Variants in KTN1 observed in about 807,000 individuals in gnomAD.
The protein encoded by KTN1 is kinectin.
Under a neutral mutation model 222.5 loss-of-function variants are expected in KTN1, and 130 were observed. The observed-to-expected ratio is 0.58, with a 90% CI of 0.51 to 0.68. KTN1 has a LOEUF of 0.68. Ranked by LOEUF, KTN1 falls within the 30% of genes least tolerant of loss-of-function variation. KTN1 has a pLI of 0.00. For synonymous variants in KTN1, 512 were observed against 496.3 expected (o/e 1.03, Z -0.42); for missense variants, 1,508 against 1,500.4 (o/e 1.01, Z -0.08).
chr14:55,630,787 G>A (rs2040417714), intron 7 of KTN1, among the ~76,000 whole-genome samples: 1 of 152,198 alleles, frequency 6.6e-6, no homozygotes, highest in African/African-American at 2.4e-5. Flanking sequence ...CTTGGTAGCA[G>A]TGGGGAAAGT....
chr14:55,659,682 CT>C lies in KTN1; in HGVS notation c.2979del (p.His994MetfsTer5), dbSNP rs1246609706. On this transcript the variant is annotated frameshift_variant, in exon 31 of 44. Transcript: ENST00000395314. LOFTEE classifies it high-confidence loss of function. ...QNYQQASSFP[P>X]HEELLKVISE... ...TTTTGATAGGCATCTTCTTTTCCCCCTCATGAAGAATTATTAAAAGTGTAAG... is the reference window on the plus strand; with the variant it reads ...TTTTGATAGGCATCTTCTTTTCCCCCCATGAAGAATTATTAAAAGTGTAAG... The C allele has an allele frequency of 6.7e-7, 1 of 1,503,344 alleles. No individual in the cohort carries two copies. Among genetic ancestry groups the C allele is most frequent in the Non-Finnish European group, 9.3e-7 (1 of 1,080,886 alleles). 93.1% of individuals were successfully genotyped at this position (1,503,344 alleles called of 1,614,324 possible). A position where few individuals can be genotyped will look rare whatever the true frequency, so the allele number is the denominator to read the frequency against.
At chr14:55,592,158 T>G (rs956597655) in intron 1 of KTN1, among the ~76,000 whole-genome samples, 2 of 152,226 alleles carry the variant, frequency 1.3e-5, no homozygotes, top group African/African-American at 4.8e-5. Flanking sequence ...GTACTTTGTG[T>G]CTAGTTTAAG....
intron 7 of KTN1, 99 bp downstream of exon 7, chr14:55,630,196 T>C: frequency 9.4e-7 from 1 of 1,060,124 alleles, no homozygotes; most frequent in South Asian, 1.4e-5. Flanking sequence ...TCTTGGGCCA[T>C]CAACATACAG....
chr14:55,644,716 T>G (rs2042132454), intron 18 of KTN1, among the ~76,000 whole-genome samples: 1 of 152,130 alleles, frequency 6.6e-6, no homozygotes, highest in South Asian at 2.1e-4. Flanking sequence ...TACTGCCTTG[T>G]TAAATTGTAT....
At chr14:55,669,495 ATAT>A (rs935024656) in intron 34 of KTN1, among the ~76,000 whole-genome samples, 2 of 151,970 alleles carry the variant, frequency 1.3e-5, no homozygotes, top group Non-Finnish European at 2.9e-5. Context: ...AGCTTCATTA[ATAT>A]TAAGATAAGT....
chr14:55,619,229 A>T lies in KTN1; in HGVS notation c.880A>T (p.Met294Leu), dbSNP rs143881240. 7.5e-6 allele frequency: 12 copies of T among 1,608,508 alleles called. No individual in the cohort carries two copies. The African/African-American group carries it at 1.6e-4, about 22-fold the overall frequency. ...FKDFLLSLKT[M>L]MFSEDEALCV... ...AGATTTTCTTCTGTCCTTGAAGACT[A>T]TGATGTTTTCTGAAGATGAGGCTCT... The change falls in exon 5 of 44, where the codon ATG (methionine) becomes TTG (leucine). Residue 294 changes from methionine to leucine, a missense_variant. Physicochemically the swap from Met to Leu is conservative, Grantham distance 15. Transcript: ENST00000395314.
intron 40 of KTN1, chr14:55,675,119 A>G (rs983581451): frequency 9.9e-5 from 15 of 152,132 alleles, no homozygotes; most frequent in African/African-American, 2.9e-4. Context: ...AAAAGTGCCC[A>G]TGGGTGGGAA....
chr14:55,584,693 A>G (rs902422649), intron 1 of KTN1, among the ~76,000 whole-genome samples: 1 of 151,832 alleles, frequency 6.6e-6, no homozygotes, highest in Non-Finnish European at 1.5e-5. Context: ...GGTTGTGTTT[A>G]TTGTCTCTTC....
intron 5 of KTN1, among the ~76,000 whole-genome samples, chr14:55,625,272 G>A (rs1170838920): frequency 2.0e-5 from 3 of 151,686 alleles, no homozygotes; most frequent in Non-Finnish European, 4.4e-5. Flanking sequence ...TATAATAACT[G>A]CTGAAAAGTG....
Position 55,652,999 on chromosome 14 carries a change from A to T in KTN1, c.2695-18A>T. Reference sequence around the variant, plus strand: ...TTATACTTGACTATCAATTTAATTTACACCTATTCTTTTTAAGGATCTTCA... The same window carrying T: ...TTATACTTGACTATCAATTTAATTTTCACCTATTCTTTTTAAGGATCTTCA... On this transcript the variant is annotated intron_variant, in intron 26 of 43. Transcript: ENST00000395314. 6.3e-7 allele frequency: 1 copy of T among 1,589,584 alleles called. No homozygotes were observed. Among genetic ancestry groups the T allele is most frequent in the Non-Finnish European group, 8.6e-7 (1 of 1,160,058 alleles).
intron 1 of KTN1, among the ~76,000 whole-genome samples, chr14:55,598,089 G>GT (rs1466023386): frequency 1.3e-5 from 2 of 152,232 alleles, no homozygotes; most frequent in East Asian, 3.9e-4. Context: ...TTCCTGAAAA[G>GT]TTTATTAGAG....
intron 1 of KTN1, among the ~76,000 whole-genome samples, chr14:55,607,871 A>G (rs1239146625): frequency 6.6e-6 from 1 of 152,206 alleles, no homozygotes; most frequent in African/African-American, 2.4e-5. Context: ...GTCCAGCCTG[A>G]GCAGTGTATA....
At chr14:55,617,635 C>T (rs192548952) in intron 3 of KTN1, among the ~76,000 whole-genome samples, 7 of 152,086 alleles carry the variant, frequency 4.6e-5, no homozygotes, top group Non-Finnish European at 1.5e-5. Flanking sequence ...TCCTTGAGCA[C>T]TAATTAAGTG....
intron 1 of KTN1, among the ~76,000 whole-genome samples, chr14:55,584,518 A>G (rs1475127628): frequency 1.3e-5 from 2 of 152,246 alleles, no homozygotes; most frequent in Admixed American, 1.3e-4. Flanking sequence ...CTGTAGATAC[A>G]TGCATGGCTT....
rs375878023 is a variant in KTN1 at position 55,654,895 on chromosome 14, A to G, written c.2802-1147A>G. ...TCCCGGCAGCACCCCCCGGCAACCA[A>G]TGATCTTACTGTCTTCAGAGTTTTA... is the stretch of plus-strand genomic sequence containing the variant. On this transcript the variant is annotated intron_variant, in intron 28 of 43. Coordinates refer to ENST00000395314, the MANE Select transcript of KTN1 (RefSeq NM_001079521.2). Among the ~76,000 whole-genome samples the G allele has an allele frequency of 5.9e-5, 9 of 152,084 alleles. No homozygotes were observed. The East Asian group carries it at 1.3e-3, about 23-fold the overall frequency.
chr14:55,587,748 C>A (rs758596027), intron 1 of KTN1, among the ~76,000 whole-genome samples: 3 of 152,114 alleles, frequency 2.0e-5, no homozygotes, highest in South Asian at 2.1e-4. Context: ...ATTTAGTGCT[C>A]TTATTTCTGG....
At chr14:55,684,053 GTT>G in intron 43 of KTN1, 44 bp from the exon 44 acceptor site, 1 of 1,562,772 alleles carries the variant, frequency 6.4e-7, no homozygotes, top group Non-Finnish European at 8.8e-7. Context: ...ATTGCCTTCT[GTT>G]GCTTTGTTTT....
rs1595020733 is a variant in KTN1 at position 55,639,167 on chromosome 14, A to G, written c.1786-18A>G. On this transcript the variant is annotated intron_variant, in intron 12 of 43. Coordinates refer to ENST00000395314, the MANE Select transcript of KTN1 (RefSeq NM_001079521.2). ...TTCTCTTAAATACTTTTATGTTGAC[A>G]CTATTTTTCTTTCTTAGACCTCCGC... is the stretch of plus-strand genomic sequence containing the variant. 2 of 1,564,768 alleles carry G rather than the reference A, an allele frequency of 1.3e-6. No individual in the cohort carries two copies. Among genetic ancestry groups the G allele is most frequent in the Admixed American group, 1.7e-5 (1 of 59,680 alleles).
chr14:55,598,434 CAA>C (rs555607541), intron 1 of KTN1, among the ~76,000 whole-genome samples: 11 of 57,790 alleles, frequency 1.9e-4, no homozygotes, highest in Admixed American at 4.0e-4. Flanking sequence ...GACTCCATCT[CAA>C]AAAAAAAAAA....
Sources: allele counts gnomAD v4.1 joint callset (sites outside exome capture counted in the v4.1 genomes callset), GRCh38; gene constraint gnomAD v4.1.1; transcripts MANE v1.5; gene names NCBI Gene and HGNC (gene_info 2026-07-23, HGNC 2026-07-21).